DMD: variants seen among roughly 807,000 people sequenced by gnomAD.
DMD encodes mutant dystrophin.
Under a neutral mutation model 330.1 loss-of-function variants are expected in DMD, and 63 were observed. That is an observed-to-expected ratio of 0.19 (90% CI 0.16 to 0.24). DMD has a LOEUF of 0.24. Among genes scored for constraint, DMD ranks in the 10% least tolerant of loss-of-function variants. The probability of loss-of-function intolerance (pLI) is 1.00; values close to 1 mark genes in which losing one functional copy is unlikely to be tolerated. For synonymous variants in DMD, 1,223 were observed against 959.8 expected, an observed-to-expected ratio of 1.27 and a Z score of -5.07; for missense variants, 3,344 against 2,684.1, an observed-to-expected ratio of 1.25 and a Z score of -5.43.
chrX:32,494,737 G>A (rs1909096294), intron 19 of DMD, among the ~76,000 whole-genome samples: 1 of 111,380 alleles, frequency 9.0e-6, no homozygotes, highest in South Asian at 3.7e-4. Context: ...AGGGGGAGAG[G>A]AAGTCTTCTT....
At chrX:32,841,042 T>A (rs1182517998) in intron 4 of DMD, among the ~76,000 whole-genome samples, 1 of 111,937 alleles carries the variant, frequency 8.9e-6, no homozygotes, top group African/African-American at 3.2e-5. Context: ...TTGATCCATG[T>A]CCTCATCAAC....
chrX:31,571,292 T>TGTGC (rs2075806535), intron 55 of DMD, among the ~76,000 whole-genome samples: 1 of 104,940 alleles, frequency 9.5e-6, no homozygotes, highest in Admixed American at 1.0e-4. Flanking sequence ...TGTGTGTGTG[T>TGTGC]GTATAGAAAA....
intron 1 of DMD, among the ~76,000 whole-genome samples, chrX:33,150,562 T>C (rs752005168): frequency 1.8e-5 from 2 of 110,067 alleles, no homozygotes; most frequent in East Asian, 5.7e-4. Context: ...CCAAAAATGC[T>C]GGGATTACAG....
intron 3 of DMD, among the ~76,000 whole-genome samples, chrX:32,848,293 G>A (rs749626096): frequency 6.3e-5 from 7 of 111,831 alleles, no homozygotes; most frequent in African/African-American, 2.3e-4. Flanking sequence ...CAGGAGAAAC[G>A]AGATACACAG....
chrX:32,072,672 C>G (rs1349925532), intron 44 of DMD, among the ~76,000 whole-genome samples: 1 of 111,636 alleles, frequency 9.0e-6, no homozygotes, highest in African/African-American at 3.3e-5. Context: ...GACAGGTCCA[C>G]TGATAAAGTT....
In DMD at chrX:31,992,698, T is replaced by C. The variant is rs772838154; in HGVS notation, c.6439-24184A>G. Among the ~76,000 whole-genome samples the C allele has an allele frequency of 5.4e-5, 6 of 111,446 alleles. No homozygotes were observed. The South Asian group carries it at 2.3e-3, about 42-fold the overall frequency. On this transcript the variant is annotated intron_variant, in intron 44 of 78. Coordinates refer to ENST00000357033, the MANE Select transcript of DMD (RefSeq NM_004006.3). ...TGCACTTGATATTTTTTTCAATTTA[T>C]ATAGTCATATATACTTTTGTAGAGC... is the stretch of plus-strand genomic sequence containing the variant.
At chrX:32,926,249 T>C (rs375367243) in intron 2 of DMD, among the ~76,000 whole-genome samples, 1 of 111,714 alleles carries the variant, frequency 9.0e-6, no homozygotes, top group East Asian at 2.8e-4. Context: ...ATCTAAAAAG[T>C]TGGGCTCATA....
chrX:31,215,177 G>A (rs1274521379), intron 64 of DMD, among the ~76,000 whole-genome samples: 1 of 108,320 alleles, frequency 9.2e-6, no homozygotes. Flanking sequence ...TCCTGACCTC[G>A]TGATCTGCCT....
intron 30 of DMD, among the ~76,000 whole-genome samples, chrX:32,395,601 A>G (rs757257033): frequency 1.1e-4 from 12 of 111,684 alleles, no homozygotes; most frequent in Non-Finnish European, 1.9e-4. Flanking sequence ...AGAAAAACCC[A>G]TGCTCTGTGA....
At chrX:32,842,439 G>A (rs780692908) in intron 4 of DMD, among the ~76,000 whole-genome samples, 28 of 112,078 alleles carry the variant, frequency 2.5e-4, no homozygotes, top group African/African-American at 8.1e-4. Flanking sequence ...CCCCTGGGTG[G>A]AGATTTTAGA....
At chrX:32,833,184 GAT>G (rs1045808037) in intron 4 of DMD, among the ~76,000 whole-genome samples, 1 of 111,244 alleles carries the variant, frequency 9.0e-6, no homozygotes, top group African/African-American at 3.2e-5. Flanking sequence ...CTATATTTCA[GAT>G]ATGTTTATGA....
At chrX:32,416,254 A>C (rs1482682110) in intron 29 of DMD, among the ~76,000 whole-genome samples, 1 of 112,547 alleles carries the variant, frequency 8.9e-6, no homozygotes, top group African/African-American at 3.2e-5. Flanking sequence ...TATACTTATT[A>C]AACTCAATAC....
chrX:32,121,289 C>A (rs1333200890), intron 44 of DMD, among the ~76,000 whole-genome samples: 1 of 109,990 alleles, frequency 9.1e-6, no homozygotes, highest in Non-Finnish European at 1.9e-5. Flanking sequence ...TCAGGGCAGA[C>A]CTCAATATTC....
At chrX:32,447,794 C>G (rs2098311867) in intron 27 of DMD, among the ~76,000 whole-genome samples, 1 of 111,723 alleles carries the variant, frequency 9.0e-6, no homozygotes, top group African/African-American at 3.2e-5. Flanking sequence ...AAGGTCATAG[C>G]TTATTTTTGA....
intron 33 of DMD, among the ~76,000 whole-genome samples, chrX:32,381,188 A>G (rs2097923288): frequency 8.9e-6 from 1 of 111,807 alleles, no homozygotes; most frequent in Non-Finnish European, 1.9e-5. Flanking sequence ...TCCTCGTTAC[A>G]TCTTTAAAGT....
intron 52 of DMD, among the ~76,000 whole-genome samples, chrX:31,681,086 C>T (rs1411562227): frequency 9.0e-6 from 1 of 111,318 alleles, no homozygotes; most frequent in Non-Finnish European, 1.9e-5. Context: ...CCATAAGAGG[C>T]TCTATATCAT....
At chrX:32,402,353 T>C (rs2098090501) in intron 30 of DMD, among the ~76,000 whole-genome samples, 1 of 111,523 alleles carries the variant, frequency 9.0e-6, no homozygotes, top group African/African-American at 3.2e-5. Context: ...ACAATTTACA[T>C]ACCATAAAAT....
intron 52 of DMD, among the ~76,000 whole-genome samples, chrX:31,703,466 C>G (rs1340480655): frequency 3.6e-5 from 4 of 111,861 alleles, no homozygotes; most frequent in Admixed American, 9.5e-5. Flanking sequence ...TCAAAAGTCA[C>G]TGCCACTAGT....
At chrX:33,098,406 G>C (rs1054516544) in intron 1 of DMD, among the ~76,000 whole-genome samples, 8 of 111,529 alleles carry the variant, frequency 7.2e-5, no homozygotes, top group Non-Finnish European at 1.3e-4. Context: ...AGTTTCTCAT[G>C]GTGTAAACCA....
Sources: allele counts gnomAD v4.1 joint callset (sites outside exome capture counted in the v4.1 genomes callset), GRCh38; gene constraint gnomAD v4.1.1; transcripts MANE v1.5; gene names NCBI Gene and HGNC (gene_info 2026-07-23, HGNC 2026-07-21).